EXOC4: variants seen among roughly 807,000 people sequenced by gnomAD.
The protein encoded by EXOC4 is SEC8-like 1.
EXOC4 carries 71 observed loss-of-function variants against 107.2 expected under a neutral mutation model. The ratio of observed to expected loss-of-function variants is 0.66; its 90% confidence interval spans 0.55 to 0.81. The LOEUF (loss-of-function observed/expected upper bound fraction) is 0.81, where lower values mean the gene tolerates loss of function less well. Ranked by LOEUF, EXOC4 falls within the 30% of genes least tolerant of loss-of-function variation. The probability of loss-of-function intolerance (pLI) is 0.00; values close to 1 mark genes in which losing one functional copy is unlikely to be tolerated. For missense variants in EXOC4, 1,108 were observed against 1,189.6 expected (o/e 0.93, Z 1.01); for synonymous variants, 456 against 441.2 (o/e 1.03, Z -0.42).
chr7:133,644,042 A>G (rs1251777335), intron 10 of EXOC4, among the ~76,000 whole-genome samples: 1 of 152,208 alleles, frequency 6.6e-6, no homozygotes, highest in South Asian at 2.1e-4. Flanking sequence ...CCTCCCGTTC[A>G]TTCAAGGAGT....
chr7:133,285,059 GC>G (rs1410812630), intron 2 of EXOC4, among the ~76,000 whole-genome samples: 2 of 151,958 alleles, frequency 1.3e-5, no homozygotes, highest in Non-Finnish European at 2.9e-5. Flanking sequence ...TGAGGACTTA[GC>G]CCCCTTCCCA....
At chr7:133,735,217 C>T (rs1585111392) in intron 10 of EXOC4, among the ~76,000 whole-genome samples, 1 of 19,246 alleles carries the variant, frequency 5.2e-5, no homozygotes, top group South Asian at 3.1e-3. Flanking sequence ...AAGACTCTGT[C>T]TCAAAAAAAA....
At chr7:133,379,292 C>T (rs1373886466) in intron 7 of EXOC4, among the ~76,000 whole-genome samples, 3 of 152,020 alleles carry the variant, frequency 2.0e-5, no homozygotes, top group Non-Finnish European at 4.4e-5. Context: ...TCAGGTGTTT[C>T]ATTTAGTTGT....
At chr7:133,785,129 A>G (rs959057970) in intron 10 of EXOC4, among the ~76,000 whole-genome samples, 1 of 152,168 alleles carries the variant, frequency 6.6e-6, no homozygotes, top group African/African-American at 2.4e-5. Context: ...CTCATAGCAA[A>G]AGGCGTCTGG....
chr7:133,542,666 A>G (rs576043700), intron 9 of EXOC4, among the ~76,000 whole-genome samples: 123 of 152,150 alleles, frequency 8.1e-4, no homozygotes, highest in Admixed American at 1.3e-3. Flanking sequence ...TCAGAGAAAA[A>G]GCAGCTTCTG....
At chr7:134,017,231 T>A (rs992890081) in intron 17 of EXOC4, among the ~76,000 whole-genome samples, 10 of 152,188 alleles carry the variant, frequency 6.6e-5, no homozygotes, top group Non-Finnish European at 2.9e-5. Context: ...CGTGTAGATT[T>A]GGGATTAATT....
intron 9 of EXOC4, among the ~76,000 whole-genome samples, chr7:133,524,066 T>TA (rs1323002026): frequency 6.8e-6 from 1 of 146,096 alleles, no homozygotes. Context: ...ACCAACAGTG[T>TA]AAAAGTGTTC....
At chr7:133,471,562 C>G (rs1798879617) in intron 7 of EXOC4, among the ~76,000 whole-genome samples, 1 of 152,126 alleles carries the variant, frequency 6.6e-6, no homozygotes, top group South Asian at 2.1e-4. Flanking sequence ...AACATTTAGC[C>G]TGTGGTTAAA....
intron 6 of EXOC4, among the ~76,000 whole-genome samples, chr7:133,371,179 G>A (rs1425160671): frequency 6.6e-6 from 1 of 152,136 alleles, no homozygotes; most frequent in Non-Finnish European, 1.5e-5. Flanking sequence ...TTCAGTGCTA[G>A]AGAGGTGTTG....
intron 10 of EXOC4, among the ~76,000 whole-genome samples, chr7:133,720,121 A>G (rs906742030): frequency 7.2e-5 from 11 of 152,290 alleles, no homozygotes; most frequent in Admixed American, 6.5e-4. Context: ...ATAGTCTTTC[A>G]TTAAGTGGGT....
intron 11 of EXOC4, among the ~76,000 whole-genome samples, chr7:133,886,663 G>T (rs1365452853): frequency 6.6e-6 from 1 of 152,004 alleles, no homozygotes; most frequent in Admixed American, 6.6e-5. Context: ...TTGTTTAATA[G>T]AAATTATAAT....
chr7:133,298,704 T>G (rs1242841354), intron 3 of EXOC4, among the ~76,000 whole-genome samples: 1 of 152,224 alleles, frequency 6.6e-6, no homozygotes, highest in East Asian at 1.9e-4. Flanking sequence ...CAAGGCCTTT[T>G]AGAAGAAATA....
At chr7:134,078,505 T>A in the EXOC4 span, among the ~76,000 whole-genome samples, 9 of 152,172 alleles carry the variant, frequency 5.9e-5, no homozygotes, top group Non-Finnish European at 1.3e-4. Flanking sequence ...TACCATTTAT[T>A]ACCCATCCTC....
At chr7:133,703,304 T>C (rs1436294657) in intron 10 of EXOC4, among the ~76,000 whole-genome samples, 1 of 152,230 alleles carries the variant, frequency 6.6e-6, no homozygotes, top group Non-Finnish European at 1.5e-5. Flanking sequence ...CATTGCTACG[T>C]TGCTGCTAGC....
intron 13 of EXOC4, among the ~76,000 whole-genome samples, chr7:133,923,823 A>G (rs555372126): frequency 2.0e-4 from 30 of 152,288 alleles, no homozygotes; most frequent in African/African-American, 6.7e-4. Context: ...GAAATCTATG[A>G]TTTACCAAAG....
chr7:134,079,682 C>T, the EXOC4 span, among the ~76,000 whole-genome samples: 1 of 152,178 alleles, frequency 6.6e-6, no homozygotes, highest in Admixed American at 6.5e-5. Flanking sequence ...TTAATAAATG[C>T]CCTGCCCTTC....
chr7:133,714,085 A>G (rs1794951106), intron 10 of EXOC4, among the ~76,000 whole-genome samples: 1 of 152,142 alleles, frequency 6.6e-6, no homozygotes, highest in African/African-American at 2.4e-5. Context: ...GCCCACCCTC[A>G]CACCAGCATC....
intron 1 of EXOC4, among the ~76,000 whole-genome samples, chr7:133,255,200 C>T (rs549937167): frequency 2.1e-5 from 3 of 144,782 alleles, no homozygotes; most frequent in South Asian, 4.4e-4. Flanking sequence ...TTTTTTGAGA[C>T]AGAGTCTTGC....
chr7:133,342,037 T>C (rs923968743), intron 5 of EXOC4, among the ~76,000 whole-genome samples: 16 of 152,170 alleles, frequency 1.1e-4, no homozygotes, highest in African/African-American at 3.9e-4. Context: ...ACATTCAACA[T>C]TAATATTGAG....
Sources: allele counts gnomAD v4.1 joint callset (sites outside exome capture counted in the v4.1 genomes callset), GRCh38; gene constraint gnomAD v4.1.1; transcripts MANE v1.5; gene names NCBI Gene and HGNC (gene_info 2026-07-23, HGNC 2026-07-21).